Variants in TAS2R1 observed in about 807,000 individuals in gnomAD.
TAS2R1 encodes taste receptor type 2 member 1.
For synonymous variants in TAS2R1, 141 were observed against 134.2 expected, an observed-to-expected ratio of 1.05 and a Z score of -0.35; for missense variants, 370 against 353.4, an observed-to-expected ratio of 1.05 and a Z score of -0.38.
the TAS2R1 span, among the ~76,000 whole-genome samples, chr5:9,852,842 GA>G: frequency 0.074 from 9,419 of 126,824 alleles, 693 homozygotes; most frequent in East Asian, 0.26. Context: ...CTTCTTGCAG[GA>G]AAAAAAAAAA....
intron 1 of TAS2R1, among the ~76,000 whole-genome samples, chr5:9,685,960 G>A (rs764265956): frequency 2.2e-4 from 33 of 152,164 alleles, no homozygotes; most frequent in Non-Finnish European, 4.4e-4. Context: ...CCACCTCCTG[G>A]GTTCAGGCAA....
At chr5:9,698,553 C>A (rs1315732856) in intron 1 of TAS2R1, among the ~76,000 whole-genome samples, 2 of 152,168 alleles carry the variant, frequency 1.3e-5, no homozygotes, top group African/African-American at 4.8e-5. Flanking sequence ...AATTTTCCCA[C>A]TGACTTTCAC....
At chr5:9,676,205 G>C (rs1298990721) in intron 1 of TAS2R1, among the ~76,000 whole-genome samples, 2 of 152,116 alleles carry the variant, frequency 1.3e-5, no homozygotes, top group East Asian at 3.9e-4. Context: ...AATCCCACTT[G>C]GTCATGAGTA....
At chr5:9,778,233 T>A in the TAS2R1 span, among the ~76,000 whole-genome samples, 3 of 152,236 alleles carry the variant, frequency 2.0e-5, no homozygotes, top group South Asian at 2.1e-4. Flanking sequence ...AGTTTCTTTT[T>A]TTCCTAAACA....
the TAS2R1 span, among the ~76,000 whole-genome samples, chr5:9,775,607 G>A: frequency 6.6e-6 from 1 of 152,148 alleles, no homozygotes; most frequent in Admixed American, 6.5e-5. Context: ...GGGGGCTGCT[G>A]TTGATTATTC....
At chr5:9,759,719 T>C in the TAS2R1 span, among the ~76,000 whole-genome samples, 5 of 152,182 alleles carry the variant, frequency 3.3e-5, no homozygotes, top group Admixed American at 2.6e-4. Context: ...AGGAACCAGG[T>C]TGTCAGGTTG....
the TAS2R1 span, among the ~76,000 whole-genome samples, chr5:9,764,792 A>T: frequency 6.6e-6 from 1 of 152,216 alleles, no homozygotes; most frequent in African/African-American, 2.4e-5. Flanking sequence ...CTAAAGAAAG[A>T]GCCTGAGATT....
At chr5:9,674,086 A>C (rs1258845893) in intron 1 of TAS2R1, among the ~76,000 whole-genome samples, 3 of 152,186 alleles carry the variant, frequency 2.0e-5, no homozygotes, top group African/African-American at 7.2e-5. Flanking sequence ...TGGCATTTGG[A>C]TGCCTATCTT....
chr5:9,825,368 C>T, the TAS2R1 span, among the ~76,000 whole-genome samples: 2 of 152,122 alleles, frequency 1.3e-5, no homozygotes, highest in Admixed American at 6.5e-5. Flanking sequence ...TTCATAAAAC[C>T]ATCAGATCTT....
the TAS2R1 span, among the ~76,000 whole-genome samples, chr5:9,728,869 G>A: frequency 6.6e-6 from 1 of 152,180 alleles, no homozygotes; most frequent in Non-Finnish European, 1.5e-5. Flanking sequence ...GATCTCAGCA[G>A]GGAAAACTGA....
chr5:9,895,978 A>T, the TAS2R1 span, among the ~76,000 whole-genome samples: 1 of 152,232 alleles, frequency 6.6e-6, no homozygotes, highest in South Asian at 2.1e-4. Flanking sequence ...TACTGGTGAA[A>T]ATAGTGGCCT....
At chr5:9,753,269 T>C in the TAS2R1 span, among the ~76,000 whole-genome samples, 2 of 152,244 alleles carry the variant, frequency 1.3e-5, no homozygotes, top group East Asian at 1.9e-4. Flanking sequence ...TATCTCATTG[T>C]GGTTTTGATT....
the TAS2R1 span, among the ~76,000 whole-genome samples, chr5:9,822,444 G>A: frequency 1.3e-5 from 2 of 149,666 alleles, no homozygotes; most frequent in African/African-American, 4.9e-5. Flanking sequence ...CCACCTCCCG[G>A]ATTCAAGCAA....
chr5:9,866,657 T>G, the TAS2R1 span, among the ~76,000 whole-genome samples: 10 of 152,244 alleles, frequency 6.6e-5, no homozygotes, highest in Non-Finnish European at 1.0e-4. Flanking sequence ...ACCAAAAACC[T>G]GCAGTAATCA....
At chr5:9,804,564 T>A in the TAS2R1 span, among the ~76,000 whole-genome samples, 1 of 152,116 alleles carries the variant, frequency 6.6e-6, no homozygotes, top group African/African-American at 2.4e-5. Flanking sequence ...CACAGTGGAA[T>A]AAAATTGGAA....
chr5:9,731,162 C>T, the TAS2R1 span, among the ~76,000 whole-genome samples: 4 of 152,078 alleles, frequency 2.6e-5, no homozygotes, highest in Admixed American at 1.3e-4. Context: ...AGCCAGCCCA[C>T]GCCCAAGCCC....
intron 1 of TAS2R1, among the ~76,000 whole-genome samples, chr5:9,672,282 T>C (rs1740782166): frequency 6.6e-6 from 1 of 152,046 alleles, no homozygotes; most frequent in African/African-American, 2.4e-5. Flanking sequence ...AAAACAAGAA[T>C]TGACAAATGG....
the TAS2R1 span, among the ~76,000 whole-genome samples, chr5:9,814,951 T>C: frequency 6.6e-6 from 1 of 152,254 alleles, no homozygotes. Flanking sequence ...AATTTCTCCA[T>C]GAACTATACA....
At chr5:9,838,604 C>T in the TAS2R1 span, among the ~76,000 whole-genome samples, 765 of 152,288 alleles carry the variant, frequency 5.0e-3, 4 homozygotes, top group African/African-American at 0.018. Context: ...GCCTCTGATT[C>T]TCATATCCAC....
Sources: gnomAD v4.1 joint callset for allele counts (sites outside exome capture counted in the v4.1 genomes callset) on GRCh38, gnomAD v4.1.1 for gene constraint, MANE v1.5 for transcripts, NCBI Gene and HGNC (gene_info 2026-07-23, HGNC 2026-07-21) for gene names.